The following LIPI variants were observed in gnomAD, a reference collection of about 807,000 sequenced individuals.
LIPI encodes the protein lipase member I.
A neutral mutation model predicts 50.6 loss-of-function variants in LIPI; 59 were observed. That is an observed-to-expected ratio of 1.16 (90% CI 0.94 to 1.45). The LOEUF is 1.45. LIPI is among the 40% of genes most tolerant of loss of function. The pLI, the probability that LIPI is intolerant of heterozygous loss-of-function variation, is 0.00. For synonymous variants in LIPI, 203 were observed against 178.2 expected (o/e 1.14, Z -1.11); for missense variants, 586 against 536.3 (o/e 1.09, Z -0.92).
At chr21:14,208,752 G>A (rs572760871) in intron 1 of LIPI, among the ~76,000 whole-genome samples, 3 of 152,284 alleles carry the variant, frequency 2.0e-5, no homozygotes, top group East Asian at 1.9e-4. Context: ...CTATCTGGTC[G>A]TTTACAAAAA....
At chr21:14,129,408 A>C (rs2017195524) in intron 9 of LIPI, among the ~76,000 whole-genome samples, 1 of 152,100 alleles carries the variant, frequency 6.6e-6, no homozygotes, top group South Asian at 2.1e-4. Context: ...TGATTATTGA[A>C]TACCTAGGTA....
Position 14,109,099 on chromosome 21 carries a change from G to A in LIPI, c.1296-19C>T, listed in dbSNP as rs1457617014. 3.8e-6 allele frequency: 6 copies of A among 1,567,654 alleles called. No individual in the cohort carries two copies. The highest frequency in any genetic ancestry group is 5.3e-6 in the Non-Finnish European group (6 of 1,139,382). ...TGGTGGTCTGAGAAAGAGAAAAATG[G>A]AGAGAACAAAAAAATAACTATTAGT... On this transcript the variant is annotated intron_variant, in intron 9 of 9. Transcript: ENST00000681601.
intron 1 of LIPI, among the ~76,000 whole-genome samples, chr21:14,192,025 G>A (rs1277600987): frequency 6.6e-6 from 1 of 152,184 alleles, no homozygotes; most frequent in Non-Finnish European, 1.5e-5. Flanking sequence ...GACTCCACAA[G>A]TGTGAGTAAC....
At chr21:14,179,675 C>A (rs996305207) in intron 4 of LIPI, among the ~76,000 whole-genome samples, 2 of 152,138 alleles carry the variant, frequency 1.3e-5, no homozygotes, top group African/African-American at 4.8e-5. Context: ...TATCAGTTCC[C>A]AAATAATACT....
chr21:14,161,660 ATG>A (rs1221397595), intron 7 of LIPI, among the ~76,000 whole-genome samples: 1 of 110,430 alleles, frequency 9.1e-6, no homozygotes, highest in Non-Finnish European at 1.7e-5. Context: ...TTATATATTA[ATG>A]TATAATATAT....
Position 14,189,290 on chromosome 21 carries a change from A to C in LIPI, c.176T>G (p.Leu59Arg). The C allele has an allele frequency of 3.1e-6, 5 of 1,613,978 alleles. No homozygotes were observed. The highest frequency in any genetic ancestry group is 4.2e-6 in the Non-Finnish European group (5 of 1,179,876). ...ATTAAGTGAGTTATTTTGTTCAAAC[A>C]GTGGCTCAGCACAGTTTAGGTTGTT... ...TRNNLNCAEP[L>R]FEQNNSLNVN... Residue 59 changes from leucine to arginine, a missense_variant, in exon 2 of 10, where the codon CTG becomes CGG. Transcript: ENST00000681601.
chr21:14,199,590 T>C (rs1040297303), intron 1 of LIPI, among the ~76,000 whole-genome samples: 3 of 148,458 alleles, frequency 2.0e-5, no homozygotes, highest in East Asian at 4.0e-4. Flanking sequence ...AATTTAGGAA[T>C]AAATAGCCTA....
chr21:14,126,418 G>T (rs946247518), intron 9 of LIPI, among the ~76,000 whole-genome samples: 5 of 152,018 alleles, frequency 3.3e-5, no homozygotes, highest in African/African-American at 1.2e-4. Context: ...TATGTATATG[G>T]TTAAGTGAAA....
At chr21:14,153,066 T>C (rs1263530006) in intron 7 of LIPI, among the ~76,000 whole-genome samples, 3 of 152,202 alleles carry the variant, frequency 2.0e-5, no homozygotes, top group Admixed American at 6.5e-5. Context: ...TTCTTAATTA[T>C]CTGATTAATA....
intron 1 of LIPI, among the ~76,000 whole-genome samples, chr21:14,201,476 GC>G (rs1351195024): frequency 2.0e-5 from 3 of 151,964 alleles, no homozygotes; most frequent in African/African-American, 7.2e-5. Flanking sequence ...ACATCAAGAA[GC>G]TTATCCACCA....
chr21:14,205,155 C>A, intron 1 of LIPI, among the ~76,000 whole-genome samples: 1 of 151,598 alleles, frequency 6.6e-6, no homozygotes, highest in Middle Eastern at 3.5e-3. Context: ...CTTAAAAAAT[C>A]AATAAATTTT....
intron 9 of LIPI, among the ~76,000 whole-genome samples, chr21:14,119,167 G>A (rs972346677): frequency 6.6e-6 from 1 of 152,106 alleles, no homozygotes; most frequent in Admixed American, 6.6e-5. Flanking sequence ...ACTTCTCCAA[G>A]GATTTAAAAA....
At chr21:14,188,069 C>T (rs1265351814) in intron 2 of LIPI, among the ~76,000 whole-genome samples, 1 of 152,066 alleles carries the variant, frequency 6.6e-6, no homozygotes, top group Non-Finnish European at 1.5e-5. Flanking sequence ...TCAATAATGC[C>T]CCCGAATCAG....
At chr21:14,182,291 TAA>T (rs2123246595) in intron 3 of LIPI, among the ~76,000 whole-genome samples, 1 of 152,296 alleles carries the variant, frequency 6.6e-6, no homozygotes, top group African/African-American at 2.4e-5. Flanking sequence ...GTGCCAAATA[TAA>T]TTTGGGCTAT....
intron 4 of LIPI, among the ~76,000 whole-genome samples, chr21:14,180,534 GT>G (rs1364761041): frequency 2.6e-5 from 4 of 152,188 alleles, no homozygotes; most frequent in Non-Finnish European, 5.9e-5. Flanking sequence ...AATATCGGGG[GT>G]GGGTTCCCCC....
rs557562796 is a variant in LIPI, at chr21:14,126,234, A to G, written c.1296-17154T>C. Among the ~76,000 whole-genome samples the G allele has an allele frequency of 3.3e-5, 5 of 152,308 alleles. No individual in the cohort carries two copies. In the South Asian group the frequency reaches 1.0e-3, roughly 32 times the overall value. On this transcript the variant is annotated intron_variant, in intron 9 of 9. Transcript: ENST00000681601. ...GACAAATGAAAACTTATGTTTACTT[A>G]AACACCTACATGTCCAATATTAACA...
At chr21:14,179,380 T>C (rs2019194430) in intron 4 of LIPI, among the ~76,000 whole-genome samples, 1 of 152,136 alleles carries the variant, frequency 6.6e-6, no homozygotes, top group Non-Finnish European at 1.5e-5. Flanking sequence ...TTATTTGTGA[T>C]AGTCATGAAA....
rs182210963 is a variant in LIPI, at chr21:14,160,576, C to T, written c.1006+2843G>A. Among the ~76,000 whole-genome samples the T allele has an allele frequency of 1.9e-4, 28 of 151,304 alleles. 1 individual carries two copies. The highest frequency in any genetic ancestry group is 6.3e-4 in the African/African-American group (26 of 41,432). On this transcript the variant is annotated intron_variant, in intron 7 of 9. Transcript: ENST00000681601. Reference sequence around the variant, plus strand: ...AATTACAGGAGAAAACCCTCAGGACCTAGGGCTCAACACAGAGTTCTTAGA... The same window carrying T: ...AATTACAGGAGAAAACCCTCAGGACTTAGGGCTCAACACAGAGTTCTTAGA...
At chr21:14,186,432 T>C (rs2019458857) in intron 2 of LIPI, among the ~76,000 whole-genome samples, 1 of 152,122 alleles carries the variant, frequency 6.6e-6, no homozygotes, top group African/African-American at 2.4e-5. Flanking sequence ...ATTTAATACT[T>C]CCAATTTCGT....
Sources: gnomAD v4.1 joint callset for allele counts (sites outside exome capture counted in the v4.1 genomes callset) on GRCh38, gnomAD v4.1.1 for gene constraint, MANE v1.5 for transcripts, NCBI Gene and HGNC (gene_info 2026-07-23, HGNC 2026-07-21) for gene names.